Variants in FSIP1 observed in about 807,000 individuals in gnomAD.
The protein encoded by FSIP1 is fibrous sheath-interacting protein 1.
A neutral mutation model predicts 60.9 loss-of-function variants in FSIP1; 65 were observed. The observed-to-expected ratio is 1.07, with a 90% CI of 0.87 to 1.31. FSIP1 has a LOEUF of 1.31. Among genes scored for constraint, FSIP1 ranks in the 40% most tolerant of loss-of-function variants. The pLI is 0.00. For missense variants in FSIP1, 675 were observed against 665.5 expected (o/e 1.01, Z -0.16); for synonymous variants, 209 against 221.2 (o/e 0.94, Z 0.49).
At position 39,600,871 on chromosome 15, in the gene FSIP1, A is replaced by T; in HGVS notation, c.*9T>A. On this transcript the variant is annotated 3_prime_UTR_variant, in exon 12 of 12. Transcript: ENST00000350221. ...AACTTTCTGAAAAGCACACCCAGCA[A>T]GTCCTTGATTAGGGTTCTTTACATT... is the stretch of plus-strand genomic sequence containing the variant. 6.2e-7 allele frequency: 1 copy of T among 1,600,742 alleles called. No individual in the cohort carries two copies. Among genetic ancestry groups the T allele is most frequent in the South Asian group, 1.1e-5 (1 of 87,646 alleles).
At chr15:39,720,617 G>A (rs948761664) in intron 9 of FSIP1, among the ~76,000 whole-genome samples, 1 of 152,036 alleles carries the variant, frequency 6.6e-6, no homozygotes, top group East Asian at 1.9e-4. Context: ...TATTGAATCC[G>A]GTTGCTAAGG....
chr15:39,722,419 G>C (rs1463065249), intron 9 of FSIP1, among the ~76,000 whole-genome samples: 1 of 152,094 alleles, frequency 6.6e-6, no homozygotes, highest in Non-Finnish European at 1.5e-5. Context: ...CTGGGCCCGT[G>C]GAAGAATTGT....
At chr15:39,700,870 G>T (rs1895028753) in intron 10 of FSIP1, among the ~76,000 whole-genome samples, 1 of 152,160 alleles carries the variant, frequency 6.6e-6, no homozygotes, top group Non-Finnish European at 1.5e-5. Flanking sequence ...ATACAGCTTT[G>T]ATTGGATGCA....
chr15:39,621,937 T>C (rs1420824446), intron 10 of FSIP1, among the ~76,000 whole-genome samples: 2 of 152,200 alleles, frequency 1.3e-5, no homozygotes, highest in East Asian at 1.9e-4. Flanking sequence ...ATCATGAGAA[T>C]TGAATGATTA....
At chr15:39,678,685 C>CT (rs1894040954) in intron 10 of FSIP1, among the ~76,000 whole-genome samples, 2 of 151,888 alleles carry the variant, frequency 1.3e-5, no homozygotes, top group Non-Finnish European at 2.9e-5. Flanking sequence ...TGGTATTTTC[C>CT]TTTTTTAATG....
chr15:39,774,746 C>T (rs1897997406), intron 2 of FSIP1, among the ~76,000 whole-genome samples: 1 of 152,212 alleles, frequency 6.6e-6, no homozygotes, highest in African/African-American at 2.4e-5. Flanking sequence ...GAGGTAGAAG[C>T]ATCGTCCTAA....
At chr15:39,674,106 G>A (rs903913184) in intron 10 of FSIP1, among the ~76,000 whole-genome samples, 1 of 151,144 alleles carries the variant, frequency 6.6e-6, no homozygotes. Context: ...CCAGGCTGGA[G>A]TGCAGTGGCG....
chr15:39,629,803 T>G (rs887304494), intron 10 of FSIP1, among the ~76,000 whole-genome samples: 1 of 152,194 alleles, frequency 6.6e-6, no homozygotes, highest in Non-Finnish European at 1.5e-5. Context: ...CATAGCTGGA[T>G]GATAGAAAGA....
chr15:39,675,383 G>A (rs1893896456), intron 10 of FSIP1, among the ~76,000 whole-genome samples: 1 of 152,130 alleles, frequency 6.6e-6, no homozygotes, highest in Admixed American at 6.5e-5. Flanking sequence ...ATGTAGAGCA[G>A]ATAACATGTA....
At chr15:39,682,819 T>C (rs1468849280) in intron 10 of FSIP1, among the ~76,000 whole-genome samples, 1 of 152,234 alleles carries the variant, frequency 6.6e-6, no homozygotes, top group Non-Finnish European at 1.5e-5. Context: ...CAAAAACTTT[T>C]AATAGCATTT....
intron 10 of FSIP1, among the ~76,000 whole-genome samples, chr15:39,690,272 A>C (rs952211390): frequency 6.6e-6 from 1 of 152,166 alleles, no homozygotes; most frequent in African/African-American, 2.4e-5. Flanking sequence ...GGGGAGTGAC[A>C]TATCATATTT....
chr15:39,662,225 T>C (rs971142320), intron 10 of FSIP1, among the ~76,000 whole-genome samples: 2 of 152,100 alleles, frequency 1.3e-5, no homozygotes, highest in Non-Finnish European at 1.5e-5. Flanking sequence ...ACTAGGCAAG[T>C]TGTATTATTT....
chr15:39,657,790 T>TA (rs1893128717), intron 10 of FSIP1, among the ~76,000 whole-genome samples: 1 of 152,068 alleles, frequency 6.6e-6, no homozygotes, highest in African/African-American at 2.4e-5. Flanking sequence ...TCAATATTAA[T>TA]AAAAAATTAT....
At chr15:39,703,560 G>A (rs17714733) in intron 10 of FSIP1, among the ~76,000 whole-genome samples, 11,595 of 152,120 alleles carry the variant, frequency 0.076, 541 homozygotes, top group Middle Eastern at 0.23. Flanking sequence ...AACAAAGTAA[G>A]TTAATGGAAA....
intron 1 of FSIP1, among the ~76,000 whole-genome samples, chr15:39,778,499 A>C (rs1283953392): frequency 1.3e-5 from 2 of 152,224 alleles, no homozygotes; most frequent in Non-Finnish European, 1.5e-5. Context: ...GGCCATCTAG[A>C]AAAAGGTATT....
chr15:39,752,074 A>G (rs1274179889), intron 5 of FSIP1, among the ~76,000 whole-genome samples: 1 of 152,064 alleles, frequency 6.6e-6, no homozygotes, highest in African/African-American at 2.4e-5. Context: ...GAAAGTCATC[A>G]TCATTTTCTA....
At chr15:39,603,346 C>T (rs901554135) in intron 11 of FSIP1, among the ~76,000 whole-genome samples, 1 of 152,152 alleles carries the variant, frequency 6.6e-6, no homozygotes, top group Non-Finnish European at 1.5e-5. Context: ...GAACCCACCC[C>T]TAGAAATTGA....
chr15:39,672,638 A>C (rs141207156), intron 10 of FSIP1, among the ~76,000 whole-genome samples: 1 of 152,364 alleles, frequency 6.6e-6, no homozygotes, highest in African/African-American at 2.4e-5. Context: ...TAATAATAAT[A>C]GTAATAAAGA....
chr15:39,613,928 A>C (rs1054505976), intron 11 of FSIP1, among the ~76,000 whole-genome samples: 12 of 152,224 alleles, frequency 7.9e-5, no homozygotes, highest in African/African-American at 2.9e-4. Flanking sequence ...AATTCTCAAC[A>C]GATTAGGTAT....
Sources: allele counts gnomAD v4.1 joint callset (sites outside exome capture counted in the v4.1 genomes callset), GRCh38; gene constraint gnomAD v4.1.1; transcripts MANE v1.5; gene names NCBI Gene and HGNC (gene_info 2026-07-23, HGNC 2026-07-21).